Variants in CELF2 observed in about 807,000 individuals in gnomAD.
CELF2 encodes CUGBP Elav-like family member 2, also known as CUG triplet repeat RNA-binding protein 2.
CELF2 carries 8 observed loss-of-function variants against 62.6 expected under a neutral mutation model. That is an observed-to-expected ratio of 0.13 (90% CI 0.07 to 0.23). The LOEUF (loss-of-function observed/expected upper bound fraction) is 0.23, where lower values mean the gene tolerates loss of function less well. Among genes scored for constraint, CELF2 ranks in the 10% least tolerant of loss-of-function variants. The pLI is 1.00. For missense variants in CELF2, 333 were observed against 671.0 expected (o/e 0.50, Z 5.56); for synonymous variants, 258 against 250.0 (o/e 1.03, Z -0.30).
At chr10:10,602,163 A>T in the CELF2 span, among the ~76,000 whole-genome samples, 1 of 152,050 alleles carries the variant, frequency 6.6e-6, no homozygotes, top group African/African-American at 2.4e-5. Flanking sequence ...GGTTGATTCC[A>T]TGTCTTTGCT....
At position 11,117,725 on chromosome 10, in the gene CELF2, C is replaced by T. The variant is rs1474255930; in HGVS notation, c.75-47761C>T. Among the ~76,000 whole-genome samples, 2 of 152,138 alleles carry T rather than the reference C, an allele frequency of 1.3e-5. No homozygotes were observed. Among genetic ancestry groups the T allele is most frequent in the African/African-American group, 2.4e-5 (1 of 41,420 alleles). On this transcript the variant is annotated intron_variant, in intron 1 of 12. Transcript: ENST00000633077. This position sits in a 1 kb window ranked among gnomAD's most constrained non-coding sequence, Gnocchi z 4.1. ...AGTATTTTTAAAATGTGTGACTCTC[C>T]AGAGAGGGTACCCTTGAGTGGCTCT...
intron 8 of CELF2, among the ~76,000 whole-genome samples, chr10:11,282,798 A>G (rs1431330746): frequency 2.0e-5 from 3 of 152,202 alleles, no homozygotes; most frequent in African/African-American, 7.2e-5. Flanking sequence ...TGAGAGCAGG[A>G]CCTGAGCTCT....
the CELF2 span, among the ~76,000 whole-genome samples, chr10:10,680,246 C>A: frequency 2.9e-4 from 44 of 152,200 alleles, no homozygotes; most frequent in Admixed American, 1.6e-3. Flanking sequence ...CAAGACCACC[C>A]CCACTTCTGA....
At chr10:10,653,303 A>C in the CELF2 span, among the ~76,000 whole-genome samples, 156 of 151,178 alleles carry the variant, frequency 1.0e-3, 1 homozygote, top group South Asian at 2.4e-3. Context: ...CATTAGACAG[A>C]TCAACGAGAC....
chr10:10,553,917 T>C, the CELF2 span, among the ~76,000 whole-genome samples: 7 of 152,116 alleles, frequency 4.6e-5, no homozygotes, highest in African/African-American at 1.7e-4. Flanking sequence ...CAATGCCAAG[T>C]GAACCCTCAG....
chr10:10,545,408 T>C, the CELF2 span, among the ~76,000 whole-genome samples: 1 of 152,060 alleles, frequency 6.6e-6, no homozygotes, highest in African/African-American at 2.4e-5. Context: ...CTGCCTACAA[T>C]CAAAAGAAAC....
At chr10:11,257,172 C>T (rs2079024248) in intron 4 of CELF2, among the ~76,000 whole-genome samples, 1 of 152,016 alleles carries the variant, frequency 6.6e-6, no homozygotes, top group South Asian at 2.1e-4. Flanking sequence ...ATCTCTTATT[C>T]TTGTCTAGAT....
intron 5 of CELF2, among the ~76,000 whole-genome samples, chr10:11,259,661 A>G (rs1032951325): frequency 6.6e-6 from 1 of 152,150 alleles, no homozygotes; most frequent in African/African-American, 2.4e-5. Flanking sequence ...GGCAGACTGC[A>G]CCACCTCTGG....
chr10:11,133,792 C>A (rs1005416897), intron 1 of CELF2, among the ~76,000 whole-genome samples: 1 of 152,174 alleles, frequency 6.6e-6, no homozygotes, highest in East Asian at 1.9e-4. Flanking sequence ...AGACTCTCTT[C>A]CCTGGAGTTC....
intron 1 of CELF2, among the ~76,000 whole-genome samples, chr10:11,072,661 G>A (rs755948644): frequency 4.6e-5 from 7 of 152,196 alleles, no homozygotes; most frequent in African/African-American, 7.2e-5. Context: ...AGGATATAGA[G>A]GCAGCCCCAA....
intron 1 of CELF2, among the ~76,000 whole-genome samples, chr10:11,139,871 C>T (rs1415021448): frequency 6.6e-6 from 1 of 151,886 alleles, no homozygotes; most frequent in East Asian, 1.9e-4. Context: ...CAAACACCCC[C>T]TCAGGTCATC....
chr10:10,839,727 T>A (rs1003284249), intron 1 of CELF2, among the ~76,000 whole-genome samples: 1 of 152,208 alleles, frequency 6.6e-6, no homozygotes, highest in Non-Finnish European at 1.5e-5. Flanking sequence ...TGATGTTTTT[T>A]GAAATTTGCA....
chr10:10,792,098 T>G, the CELF2 span, among the ~76,000 whole-genome samples: 10 of 110,206 alleles, frequency 9.1e-5, no homozygotes, highest in East Asian at 2.8e-4. Flanking sequence ...GGGAGAGAGG[T>G]TCCTCACCAC....
chr10:10,626,454 GTGA>G, the CELF2 span, among the ~76,000 whole-genome samples: 1 of 151,900 alleles, frequency 6.6e-6, no homozygotes, highest in Admixed American at 6.6e-5. Context: ...TTTCCTAAAC[GTGA>G]TTAACAGTTT....
chr10:10,691,127 G>C, the CELF2 span, among the ~76,000 whole-genome samples: 3 of 151,762 alleles, frequency 2.0e-5, no homozygotes, highest in Admixed American at 1.3e-4. Context: ...TCTAGCATTA[G>C]GTATATCTCC....
chr10:11,053,866 G>A (rs567664010), intron 1 of CELF2, among the ~76,000 whole-genome samples: 9 of 151,948 alleles, frequency 5.9e-5, no homozygotes, highest in East Asian at 5.8e-4. Flanking sequence ...CACCCGCCTC[G>A]GCCTCCCAAA....
At chr10:11,027,931 G>T (rs1341119341) in intron 1 of CELF2, among the ~76,000 whole-genome samples, 1 of 152,188 alleles carries the variant, frequency 6.6e-6, no homozygotes, top group Non-Finnish European at 1.5e-5. Context: ...TAGCTTCCTG[G>T]CACTTAAAAC....
the CELF2 span, among the ~76,000 whole-genome samples, chr10:10,503,321 G>A: frequency 1.3e-5 from 2 of 151,956 alleles, no homozygotes; most frequent in Admixed American, 6.6e-5. Context: ...GCGGAAAGCA[G>A]AATGTTAAAG....
At chr10:11,134,262 C>A (rs745711870) in intron 1 of CELF2, among the ~76,000 whole-genome samples, 1 of 152,156 alleles carries the variant, frequency 6.6e-6, no homozygotes, top group African/African-American at 2.4e-5. Flanking sequence ...GCAGGAGGAA[C>A]GTTGGCCTCT....
Sources: allele counts gnomAD v4.1 joint callset (sites outside exome capture counted in the v4.1 genomes callset), GRCh38; gene constraint gnomAD v4.1.1; non-coding constraint Gnocchi (gnomAD v3.1); transcripts MANE v1.5; gene names NCBI Gene and HGNC (gene_info 2026-07-23, HGNC 2026-07-21).